PCSK6: variants seen among roughly 807,000 people sequenced by gnomAD.
PCSK6 encodes the protein proprotein convertase subtilisin/kexin type 6, also known as paired basic amino acid cleaving enzyme 4.
A neutral mutation model predicts 123.3 loss-of-function variants in PCSK6; 85 were observed. The ratio of observed to expected loss-of-function variants is 0.69; its 90% CI spans 0.58 to 0.83. PCSK6 has a LOEUF of 0.83. Among genes scored for constraint, PCSK6 ranks in the 40% least tolerant of loss-of-function variants. The pLI, the probability that PCSK6 is intolerant of heterozygous loss-of-function variation, is 0.00. For missense variants in PCSK6, 1,191 were observed against 1,282.3 expected, an observed-to-expected ratio of 0.93 and a Z score of 1.09; for synonymous variants, 508 against 516.0, an observed-to-expected ratio of 0.98 and a Z score of 0.21.
At chr15:101,369,166 C>T (rs1042459087) in intron 12 of PCSK6, among the ~76,000 whole-genome samples, 3 of 152,230 alleles carry the variant, frequency 2.0e-5, no homozygotes, top group African/African-American at 7.2e-5. Context: ...TTGCCTGCTG[C>T]AGAGAGACCA....
At chr15:101,416,263 G>C (rs2055883932) in intron 6 of PCSK6, among the ~76,000 whole-genome samples, 1 of 152,232 alleles carries the variant, frequency 6.6e-6, no homozygotes, top group Non-Finnish European at 1.5e-5. Flanking sequence ...TTTTAGCAAA[G>C]AGACTGGCAG....
At chr15:101,392,502 CCA>C (rs2042261154) in intron 8 of PCSK6, among the ~76,000 whole-genome samples, 1 of 151,762 alleles carries the variant, frequency 6.6e-6, no homozygotes, top group Non-Finnish European at 1.5e-5. Context: ...CTGGCCAGCT[CCA>C]CAGTCTCATT....
At chr15:101,383,409 C>CAAAAAAA (rs35670221) in intron 10 of PCSK6, among the ~76,000 whole-genome samples, 1 of 76,496 alleles carries the variant, frequency 1.3e-5, no homozygotes, top group Non-Finnish European at 2.5e-5. Context: ...GACTCTGTCT[C>CAAAAAAA]AAAAAAAAAA....
At chr15:101,365,059 A>G (rs2041348730) in intron 13 of PCSK6, 1 of 758,960 alleles carries the variant, frequency 1.3e-6, no homozygotes, top group African/African-American at 1.7e-5. Flanking sequence ...TGGGTAAAGA[A>G]TGCATTTTTC....
intron 1 of PCSK6, among the ~76,000 whole-genome samples, chr15:101,489,043 T>C (rs1472258365): frequency 6.7e-6 from 1 of 149,102 alleles, no homozygotes; most frequent in Admixed American, 6.7e-5. Context: ...GCCCGGCAGG[T>C]GTCCGCGCCG....
At chr15:101,423,011 A>G (rs888619953) in intron 6 of PCSK6, among the ~76,000 whole-genome samples, 6 of 151,870 alleles carry the variant, frequency 4.0e-5, no homozygotes, top group Admixed American at 1.3e-4. Context: ...ATTACTAGAC[A>G]TATGCAAAGA....
chr15:101,459,445 A>ACCACCCGC lies in PCSK6; in HGVS notation c.298-15786_298-15785insGCGGGTGG, dbSNP rs2057278373. On this transcript the variant is annotated intron_variant, in intron 1 of 21. Coordinates refer to ENST00000611716, the MANE Select transcript of PCSK6 (RefSeq NM_002570.5). The stretch of plus-strand genomic sequence containing the variant: ...CCGCGTCTCCTCTCCCTAAGTCCAC[A>ACCACCCGC]TCACCTGCTGCCACCATTCCCGTCC... Among the ~76,000 whole-genome samples the ACCACCCGC allele has an allele frequency of 1.0e-4, 15 of 144,634 alleles. 1 individual carries two copies. The highest frequency in any genetic ancestry group is 3.3e-4 in the African/African-American group (12 of 36,792). 94.9% of individuals were successfully genotyped at this position (144,634 alleles called of 152,430 possible).
rs567587908 is a variant in PCSK6, at chr15:101,427,204, G to A, written c.823+688C>T. Among the ~76,000 whole-genome samples, 80 of 150,154 alleles carry A rather than the reference G, an allele frequency of 5.3e-4. 2 individuals carry two copies. In the South Asian group the frequency reaches 0.012, roughly 22 times the overall value. On this transcript the variant is annotated intron_variant, in intron 6 of 21. Transcript: ENST00000611716. ...CTAAATGGCAAGACCAGACGCACGC[G>A]GGGCAGGGGCGGCTGCTGCTCCGTA...
chr15:101,475,757 C>G (rs1309563592), intron 1 of PCSK6, among the ~76,000 whole-genome samples: 1 of 150,934 alleles, frequency 6.6e-6, no homozygotes, highest in East Asian at 1.9e-4. Flanking sequence ...TCCCAAAGTG[C>G]TGGGACTACA....
intron 1 of PCSK6, among the ~76,000 whole-genome samples, chr15:101,449,896 C>T (rs1043288426): frequency 5.9e-5 from 9 of 152,246 alleles, no homozygotes; most frequent in African/African-American, 1.4e-4. Flanking sequence ...GTCCCAAGCA[C>T]GTGGCCCCAT....
intron 16 of PCSK6, 67 bp downstream of exon 16, chr15:101,326,310 G>C: frequency 1.6e-6 from 2 of 1,243,950 alleles, no homozygotes; most frequent in Admixed American, 2.0e-5. Context: ...TCAGGACATG[G>C]AGGGGCTAAG....
chr15:101,451,195 A>G (rs1418965259), intron 1 of PCSK6, among the ~76,000 whole-genome samples: 1 of 151,996 alleles, frequency 6.6e-6, no homozygotes. Context: ...GAAGATCCTG[A>G]GGAATGGAGG....
In PCSK6 at chr15:101,398,892, T is replaced by C. The variant is rs2042502635; in HGVS notation, c.824-316A>G. ...TTTTAAAAAACAAGACCTATTATTA[T>C]TATTATTATTATTTATTATTATTAT... On this transcript the variant is annotated intron_variant, in intron 6 of 21. Transcript: ENST00000611716. This position sits in a 1 kb window ranked among gnomAD's most constrained non-coding sequence, Gnocchi z 4.6. 1.4e-5 allele frequency among the ~76,000 whole-genome samples: 2 copies of C among 144,480 alleles called. No homozygotes were observed. Among genetic ancestry groups the C allele is most frequent in the South Asian group, 4.8e-4 (2 of 4,188 alleles). 94.8% of individuals were successfully genotyped at this position (144,480 alleles called of 152,430 possible).
At chr15:101,475,149 T>C (rs2057700255) in intron 1 of PCSK6, among the ~76,000 whole-genome samples, 1 of 152,186 alleles carries the variant, frequency 6.6e-6, no homozygotes, top group Admixed American at 6.5e-5. Context: ...GCCCCTATAT[T>C]CCGTTCACTA....
intron 1 of PCSK6, among the ~76,000 whole-genome samples, chr15:101,469,262 A>G (rs915641405): frequency 2.0e-5 from 3 of 152,194 alleles, no homozygotes; most frequent in African/African-American, 7.2e-5. Context: ...AGAGCAAGAA[A>G]AGCTGGGGGA....
chr15:101,401,869 C>G (rs2042597984), intron 6 of PCSK6, among the ~76,000 whole-genome samples: 1 of 152,018 alleles, frequency 6.6e-6, no homozygotes, highest in Non-Finnish European at 1.5e-5. Context: ...GATTCAATGC[C>G]ATCCCCATCA....
chr15:101,484,638 G>A (rs143458893), intron 1 of PCSK6, among the ~76,000 whole-genome samples: 5 of 152,100 alleles, frequency 3.3e-5, no homozygotes, highest in South Asian at 2.1e-4. Context: ...TGATCCACCC[G>A]CCTCTGCCTC....
At chr15:101,391,564 C>T (rs973619408) in intron 8 of PCSK6, among the ~76,000 whole-genome samples, 67 of 152,230 alleles carry the variant, frequency 4.4e-4, no homozygotes, top group African/African-American at 1.5e-3. Flanking sequence ...TTTTACTCCT[C>T]TATAAAGAGT....
At position 101,398,827 on chromosome 15, in the gene PCSK6, T is replaced by C. The variant is rs1429782746; in HGVS notation, c.824-251A>G. Among the ~76,000 whole-genome samples the C allele has an allele frequency of 6.6e-6, 1 of 152,244 alleles. No individual in the cohort carries two copies. The highest frequency in any genetic ancestry group is 2.4e-5 in the African/African-American group (1 of 41,454). On this transcript the variant is annotated intron_variant, in intron 6 of 21. Transcript: ENST00000611716. This position sits in a 1 kb window ranked among gnomAD's most constrained non-coding sequence, Gnocchi z 4.6. ...GGTTCAGCTTCCCTCAGTGCTATGA[T>C]GTCCTGCTGGTATCTAAAAATGCAT...
Sources: gnomAD v4.1 joint callset for allele counts (sites outside exome capture counted in the v4.1 genomes callset) on GRCh38, gnomAD v4.1.1 for gene constraint, Gnocchi (gnomAD v3.1) non-coding constraint, MANE v1.5 for transcripts, NCBI Gene and HGNC (gene_info 2026-07-23, HGNC 2026-07-21) for gene names.